Variants in GDPD1 observed in about 807,000 individuals in gnomAD.
GDPD1 encodes the protein lysophospholipase D GDPD1.
Under a neutral mutation model 45.1 loss-of-function variants are expected in GDPD1, and 28 were observed. That is an observed-to-expected ratio of 0.62 (90% CI 0.46 to 0.85). The LOEUF is 0.85. GDPD1 is among the 40% of genes least tolerant of loss of function. The pLI is 0.00. For synonymous variants in GDPD1, 139 were observed against 131.4 expected (o/e 1.06, Z -0.40); for missense variants, 256 against 364.8 (o/e 0.70, Z 2.43).
chr17:59,255,767 A>ATG (rs1568346670), intron 4 of GDPD1, among the ~76,000 whole-genome samples: 1 of 65,622 alleles, frequency 1.5e-5, no homozygotes, highest in Non-Finnish European at 2.7e-5. Flanking sequence ...AAAAAAATAT[A>ATG]TATATATATA....
chr17:59,238,421 T>A (rs566249084), intron 2 of GDPD1, among the ~76,000 whole-genome samples: 33 of 151,504 alleles, frequency 2.2e-4, no homozygotes, highest in Middle Eastern at 3.4e-3. Flanking sequence ...TTTTTATTTT[T>A]TTTTTTTTCC....
At chr17:59,245,919 G>A (rs1487639925) in intron 3 of GDPD1, among the ~76,000 whole-genome samples, 6 of 151,878 alleles carry the variant, frequency 4.0e-5, no homozygotes, top group Admixed American at 1.3e-4. Context: ...TCAGGAGTTC[G>A]AGACCAGCCT....
intron 4 of GDPD1, among the ~76,000 whole-genome samples, chr17:59,250,385 C>T (rs1006345107): frequency 6.6e-6 from 1 of 152,092 alleles, no homozygotes; most frequent in East Asian, 1.9e-4. Context: ...CTTTGAGAGG[C>T]CAAGGCGGGA....
Position 59,273,827 on chromosome 17 carries a change from T to A in GDPD1, c.*54T>A. 1 of 1,489,926 alleles carries A rather than the reference T, an allele frequency of 6.7e-7. No homozygotes were observed. 92.3% of individuals were successfully genotyped at this position (1,489,926 alleles called of 1,614,324 possible). A position where few individuals can be genotyped will look rare whatever the true frequency, so the allele number is the denominator to read the frequency against. ...AAAAAATGAAGACCTAAGAAAAAAA[T>A]ATTTCATGATCATTTCCCTAAGCCA... On this transcript the variant is annotated 3_prime_UTR_variant, in exon 10 of 10. Coordinates refer to ENST00000284116, the MANE Select transcript of GDPD1 (RefSeq NM_182569.4).
intron 4 of GDPD1, among the ~76,000 whole-genome samples, chr17:59,252,017 A>G (rs2080342657): frequency 1.4e-5 from 2 of 147,630 alleles, no homozygotes; most frequent in African/African-American, 5.0e-5. Context: ...AAAAAGAGAA[A>G]AGAAAAGAAA....
rs773213582 is a variant in GDPD1 at position 59,257,112 on chromosome 17, G to T, written c.368-10G>T. 1 of 1,377,712 alleles carries T rather than the reference G, an allele frequency of 7.3e-7. No individual in the cohort carries two copies. Among genetic ancestry groups the T allele is most frequent in the Non-Finnish European group, 1.0e-6 (1 of 988,966 alleles). The allele number at this position is 1,377,712 out of a possible 1,614,324, so 85.3% of individuals were successfully genotyped here. ...TTTAAAAAATACATTTAAAAATCTT[G>T]CTTTCTCAGCATGCCAGTGTGAAGG... is the stretch of plus-strand genomic sequence containing the variant. On this transcript the variant is annotated splice_polypyrimidine_tract_variant and intron_variant, in intron 4 of 9. Transcript: ENST00000284116.
At chr17:59,257,913 A>G (rs747721718) in intron 6 of GDPD1, 73 bp downstream of exon 6, 43 of 1,036,164 alleles carry the variant, frequency 4.1e-5, no homozygotes, top group Non-Finnish European at 5.7e-5. Flanking sequence ...AAGTTATTAT[A>G]GTAATAATTT....
At chr17:59,233,613 A>G (rs895205798) in intron 1 of GDPD1, among the ~76,000 whole-genome samples, 12 of 151,972 alleles carry the variant, frequency 7.9e-5, no homozygotes, top group African/African-American at 2.9e-4. Context: ...CAACTGATAT[A>G]GGTATTCTGG....
At chr17:59,260,503 C>T (rs1322060873) in intron 6 of GDPD1, among the ~76,000 whole-genome samples, 1 of 151,908 alleles carries the variant, frequency 6.6e-6, no homozygotes, top group Non-Finnish European at 1.5e-5. Context: ...GATCGCACCA[C>T]TGCACTCCAG....
intron 1 of GDPD1, among the ~76,000 whole-genome samples, chr17:59,229,380 A>G (rs1019990586): frequency 4.0e-5 from 6 of 150,690 alleles, no homozygotes; most frequent in Non-Finnish European, 7.4e-5. Flanking sequence ...ACCTGCCACC[A>G]TACCCAGCTA....
intron 7 of GDPD1, among the ~76,000 whole-genome samples, chr17:59,270,389 G>GA (rs1265144621): frequency 6.6e-6 from 1 of 151,518 alleles, no homozygotes; most frequent in Admixed American, 6.6e-5. Flanking sequence ...AGACGGGGGG[G>GA]GGTTTCACTA....
rs149018765 is a variant in GDPD1 at position 59,257,129 on chromosome 17, G to T, written c.375G>T (p.Gln125His). 4 of 1,569,422 alleles carry T rather than the reference G, an allele frequency of 2.5e-6. No individual in the cohort carries two copies. Among genetic ancestry groups the T allele is most frequent in the Non-Finnish European group, 3.5e-6 (4 of 1,148,598 alleles). ...KLDVSFQRACQCEGKDNRIPL... is the reference protein window; with the variant it reads ...KLDVSFQRACHCEGKDNRIPL... The stretch of plus-strand genomic sequence containing the variant: ...AAAATCTTGCTTTCTCAGCATGCCA[G>T]TGTGAAGGAAAAGATAACCGAATTC... The change falls in exon 5 of 10, where the codon CAG becomes CAT. Residue 125 changes from glutamine to histidine, a missense_variant. By Grantham distance (24) the Gln-to-His change is conservative. Transcript: ENST00000284116.
At chr17:59,224,772 C>T (rs1597959592) in intron 1 of GDPD1, among the ~76,000 whole-genome samples, 1 of 152,068 alleles carries the variant, frequency 6.6e-6, no homozygotes, top group East Asian at 1.9e-4. Context: ...TTGCTATGAT[C>T]GTGCCTGTGA....
intron 5 of GDPD1, 68 bp from the exon 6 acceptor site, chr17:59,257,683 T>C: frequency 1.1e-6 from 1 of 931,326 alleles, no homozygotes; most frequent in South Asian, 1.4e-5. Context: ...AATTCATTTT[T>C]TAAGTGAAAT....
intron 8 of GDPD1, among the ~76,000 whole-genome samples, chr17:59,272,497 C>T (rs1177984406): frequency 6.6e-6 from 1 of 152,166 alleles, no homozygotes; most frequent in East Asian, 1.9e-4. Flanking sequence ...GAAAATGAGG[C>T]AGCCTCTTTT....
intron 4 of GDPD1, among the ~76,000 whole-genome samples, chr17:59,255,463 C>T (rs1048365020): frequency 1.3e-5 from 2 of 150,770 alleles, no homozygotes; most frequent in East Asian, 2.0e-4. Flanking sequence ...AACAATAGGC[C>T]GGGCACAGTG....
chr17:59,255,782 T>TAC lies in GDPD1; in HGVS notation c.368-1339_368-1338insCA, dbSNP rs1222573373. ...AAAAAAATATATATATATATATATA[T>TAC]ATACGCGTATATATGTATATATATA... is the stretch of plus-strand genomic sequence containing the variant. On this transcript the variant is annotated intron_variant, in intron 4 of 9. Coordinates refer to ENST00000284116, the MANE Select transcript of GDPD1 (RefSeq NM_182569.4). Among the ~76,000 whole-genome samples the TAC allele has an allele frequency of 2.8e-4, 22 of 78,012 alleles. 1 individual carries two copies. Among genetic ancestry groups the TAC allele is most frequent in the African/African-American group, 1.7e-3 (21 of 12,146 alleles). The allele number at this position is 78,012 out of a possible 152,430, so 51.2% of individuals were successfully genotyped here.
intron 7 of GDPD1, among the ~76,000 whole-genome samples, chr17:59,268,725 G>A (rs1316131363): frequency 6.6e-6 from 1 of 151,928 alleles, no homozygotes; most frequent in East Asian, 1.9e-4. Context: ...CTGAACGTTA[G>A]TGTAGCAGTC....
intron 6 of GDPD1, among the ~76,000 whole-genome samples, chr17:59,259,722 G>A (rs1334996074): frequency 7.1e-6 from 1 of 140,070 alleles, no homozygotes; most frequent in Non-Finnish European, 1.5e-5. Context: ...CTGGGTGACA[G>A]AACAAGACTC....
Sources: allele counts gnomAD v4.1 joint callset (sites outside exome capture counted in the v4.1 genomes callset), GRCh38; gene constraint gnomAD v4.1.1; transcripts MANE v1.5; gene names NCBI Gene and HGNC (gene_info 2026-07-23, HGNC 2026-07-21).